PEPD: variants seen among roughly 807,000 people sequenced by gnomAD.
PEPD encodes the protein peptidase D.
Under a neutral mutation model 60.7 loss-of-function variants are expected in PEPD, and 53 were observed. That is an observed-to-expected ratio of 0.87 (90% CI 0.70 to 1.10). PEPD has a LOEUF of 1.10. Among genes scored for constraint, PEPD ranks in the 50% least tolerant of loss-of-function variants. The pLI, the probability that PEPD is intolerant of heterozygous loss-of-function variation, is 0.00. For missense variants in PEPD, 711 were observed against 711.9 expected, an observed-to-expected ratio of 1.00 and a Z score of 0.01; for synonymous variants, 267 against 284.1, an observed-to-expected ratio of 0.94 and a Z score of 0.60.
intron 1 of PEPD, among the ~76,000 whole-genome samples, chr19:33,520,369 A>T (rs181978567): frequency 5.3e-5 from 8 of 152,340 alleles, no homozygotes; most frequent in Non-Finnish European, 1.0e-4. Flanking sequence ...CTTTGTCTGC[A>T]CTGTTCTCTA....
chr19:33,391,524 C>T, intron 12 of PEPD, 45 bp from the exon 13 acceptor site: 3 of 1,504,752 alleles, frequency 2.0e-6, no homozygotes, highest in Non-Finnish European at 2.7e-6. Context: ...GCCCAGCAGC[C>T]AACACCGCAG....
chr19:33,399,635 CT>C (rs1328832303), intron 12 of PEPD, among the ~76,000 whole-genome samples: 2 of 151,498 alleles, frequency 1.3e-5, no homozygotes, highest in Non-Finnish European at 2.9e-5. Flanking sequence ...CTGAGGGCCC[CT>C]CTGAAGCACA....
At chr19:33,493,499 TC>T in intron 4 of PEPD, 162 bp from the exon 5 acceptor site, 2 of 702,450 alleles carry the variant, frequency 2.8e-6, no homozygotes, top group Non-Finnish European at 5.3e-6. Context: ...AAACCCAGCT[TC>T]CCCTGGTTGA....
chr19:33,503,055 G>A (rs1379058624), intron 3 of PEPD, among the ~76,000 whole-genome samples: 1 of 152,006 alleles, frequency 6.6e-6, no homozygotes, highest in Non-Finnish European at 1.5e-5. Flanking sequence ...AACTTCACGA[G>A]TGAGCTCCTG....
chr19:33,502,845 C>T (rs536786119), intron 3 of PEPD, among the ~76,000 whole-genome samples: 1 of 148,646 alleles, frequency 6.7e-6, no homozygotes, highest in African/African-American at 2.5e-5. Context: ...TGCTTTCATT[C>T]TTTCGTTGCT....
intron 3 of PEPD, among the ~76,000 whole-genome samples, chr19:33,506,330 A>G (rs1008673994): frequency 1.4e-5 from 2 of 142,358 alleles, no homozygotes; most frequent in African/African-American, 5.3e-5. Flanking sequence ...CACTACACAC[A>G]CACCCACACA....
intron 11 of PEPD, among the ~76,000 whole-genome samples, chr19:33,410,155 G>A (rs1247906447): frequency 6.6e-6 from 1 of 152,320 alleles, no homozygotes. Context: ...AGTGGGTGGC[G>A]GTTCCACTGG....
intron 7 of PEPD, among the ~76,000 whole-genome samples, chr19:33,465,419 G>A (rs1450993442): frequency 6.6e-6 from 1 of 152,112 alleles, no homozygotes; most frequent in Non-Finnish European, 1.5e-5. Flanking sequence ...TGGATGCTGG[G>A]TGCACTGCCC....
chr19:33,402,640 G>A (rs936544450), intron 11 of PEPD, among the ~76,000 whole-genome samples: 1 of 152,202 alleles, frequency 6.6e-6, no homozygotes, highest in Non-Finnish European at 1.5e-5. Context: ...CCCAGGGCCT[G>A]CTGGCCACAT....
chr19:33,417,717 C>A (rs983528880), intron 9 of PEPD, among the ~76,000 whole-genome samples: 1 of 152,174 alleles, frequency 6.6e-6, no homozygotes, highest in African/African-American at 2.4e-5. Flanking sequence ...TGGAGGGAGG[C>A]TGGAGAATGG....
At chr19:33,410,629 C>A (rs889896703) in intron 11 of PEPD, among the ~76,000 whole-genome samples, 1 of 152,116 alleles carries the variant, frequency 6.6e-6, no homozygotes, top group Non-Finnish European at 1.5e-5. Flanking sequence ...GCGGAGGCAG[C>A]CCAGCTGGGC....
At chr19:33,446,636 C>T (rs1969599546) in intron 9 of PEPD, among the ~76,000 whole-genome samples, 1 of 152,240 alleles carries the variant, frequency 6.6e-6, no homozygotes, top group Non-Finnish European at 1.5e-5. Context: ...ACAGTGCATC[C>T]AGGAGGAACT....
chr19:33,517,749 G>A (rs532355901), intron 1 of PEPD, among the ~76,000 whole-genome samples: 28 of 151,828 alleles, frequency 1.8e-4, no homozygotes, highest in African/African-American at 5.8e-4. Context: ...GGTGGGTCAC[G>A]AGGTCAGGAG....
chr19:33,430,894 G>C (rs532435406), intron 9 of PEPD, among the ~76,000 whole-genome samples: 1 of 152,190 alleles, frequency 6.6e-6, no homozygotes, highest in Admixed American at 6.5e-5. Flanking sequence ...AGAGCTCCTT[G>C]AAAAACCTTC....
Position 33,463,751 on chromosome 19 carries a change from C to G in PEPD, c.624+236G>C, listed in dbSNP as rs145590513. Among the ~76,000 whole-genome samples the G allele has an allele frequency of 3.5e-3, 529 of 152,304 alleles. 2 individuals are homozygous for G. The highest frequency in any genetic ancestry group is 0.014 in the Middle Eastern group (4 of 294). On this transcript the variant is annotated intron_variant, in intron 8 of 14. Transcript: ENST00000244137. ...GGATAATTTCCTGAGGATTAGTGTC[C>G]ACGACTGCATGATGGGCAGGTGCCC...
intron 6 of PEPD, among the ~76,000 whole-genome samples, chr19:33,488,687 C>T (rs1445713498): frequency 2.0e-5 from 3 of 152,156 alleles, no homozygotes; most frequent in African/African-American, 7.2e-5. Flanking sequence ...ACTACCCGCC[C>T]CTCCACCCGC....
intron 1 of PEPD, among the ~76,000 whole-genome samples, 132 bp downstream of exon 1, chr19:33,521,585 GCAGCTCGCCGACCGGCGCTGGGACTCC>G (rs1246800144): frequency 2.6e-5 from 4 of 152,354 alleles, no homozygotes; most frequent in Non-Finnish European, 5.9e-5. Flanking sequence ...CTCGGAGCGT[GCAGCTCGCCGACCGGCGCTGGGACTCC>G]GGGCCAACGG....
At chr19:33,497,519 C>T (rs575188787) in intron 4 of PEPD, among the ~76,000 whole-genome samples, 1 of 152,366 alleles carries the variant, frequency 6.6e-6, no homozygotes, top group Admixed American at 6.5e-5. Context: ...TCGGAGCCAG[C>T]TGTGCCCCAT....
chr19:33,501,201 G>A (rs142889338), intron 3 of PEPD, among the ~76,000 whole-genome samples, 200 bp from the exon 4 acceptor site: 32 of 152,200 alleles, frequency 2.1e-4, no homozygotes, highest in Admixed American at 7.9e-4. Context: ...ATGGAGTGAC[G>A]GCTGAACCAC....
Sources: allele counts gnomAD v4.1 joint callset (sites outside exome capture counted in the v4.1 genomes callset), GRCh38; gene constraint gnomAD v4.1.1; transcripts MANE v1.5; gene names NCBI Gene and HGNC (gene_info 2026-07-23, HGNC 2026-07-21).